The following PIAS4 variants were observed in gnomAD, a reference collection of about 807,000 sequenced individuals.
PIAS4 encodes the protein E3 SUMO-protein ligase PIAS4.
In PIAS4, 7 loss-of-function variants were observed where a neutral mutation model predicts 58.0. The ratio of observed to expected loss-of-function variants is 0.12; its 90% CI spans 0.07 to 0.23. The LOEUF (loss-of-function observed/expected upper bound fraction) is 0.23, where lower values mean the gene tolerates loss of function less well. Ranked by LOEUF, PIAS4 falls within the 10% of genes least tolerant of loss-of-function variation. PIAS4 has a pLI of 1.00. For missense variants in PIAS4, 550 were observed against 709.5 expected (o/e 0.78, Z 2.55); for synonymous variants, 364 against 312.4 (o/e 1.17, Z -1.74).
intron 1 of PIAS4, among the ~76,000 whole-genome samples, chr19:4,009,212 A>G (rs1296201664): frequency 6.6e-6 from 1 of 151,446 alleles, no homozygotes; most frequent in East Asian, 1.9e-4. Context: ...GTCCTCTCAC[A>G]TTACCCCCTG....
chr19:4,025,800 A>G (rs1269791156), intron 3 of PIAS4, among the ~76,000 whole-genome samples: 1 of 152,156 alleles, frequency 6.6e-6, no homozygotes, highest in Non-Finnish European at 1.5e-5. Flanking sequence ...TGGGCTGGGC[A>G]CGGTGGCTCA....
chr19:4,013,372 C>T lies in PIAS4; in HGVS notation c.454+23C>T, dbSNP rs2040018447. The T allele has an allele frequency of 1.3e-6, 2 of 1,592,826 alleles. No individual in the cohort carries two copies. Among genetic ancestry groups the T allele is most frequent in the Non-Finnish European group, 1.7e-6 (2 of 1,166,092 alleles). ...TAGGTGAGTGGTCACCCTGGGGAGG[C>T]TGCGACTGGAGGCTTCACCTAGGCC... On this transcript the variant is annotated intron_variant, in intron 2 of 10. Coordinates refer to ENST00000262971, the MANE Select transcript of PIAS4 (RefSeq NM_015897.4). The surrounding 1 kb of genome is among the most constrained non-coding windows in gnomAD (Gnocchi z 5.1).
At chr19:4,031,242 ACTGCCAGGGGC>A (rs2040220030) in intron 7 of PIAS4, among the ~76,000 whole-genome samples, 1 of 152,054 alleles carries the variant, frequency 6.6e-6, no homozygotes, top group South Asian at 2.1e-4. Flanking sequence ...CAGTGCTGGC[ACTGCCAGGGGC>A]CTGCGAGCCC....
Position 4,033,472 on chromosome 19 carries a change from T to C in PIAS4, c.1034T>C (p.Leu345Pro). The C allele has an allele frequency of 6.4e-7, 1 of 1,574,720 alleles. No homozygotes were observed. Among genetic ancestry groups the C allele is most frequent in the Non-Finnish European group, 8.6e-7 (1 of 1,161,036 alleles). Residue 345 changes from leucine (L) to proline (P), a missense_variant, in exon 9 of 11, where the codon CTG becomes CCG. Coordinates refer to ENST00000262971, the MANE Select transcript of PIAS4 (RefSeq NM_015897.4). ...TGCCGGGCAGAGACCTGTGCCCACC[T>C]GCAGTGCTTCGACGCCGTCTTCTAC... ...VPCRAETCAH[L>P]QCFDAVFYLQ...
Position 4,037,317 on chromosome 19 carries a change from G to A in PIAS4, c.1143-57G>A. The A allele has an allele frequency of 6.4e-7, 1 of 1,558,352 alleles. No individual in the cohort carries two copies. On this transcript the variant is annotated intron_variant, in intron 9 of 10. Transcript: ENST00000262971. This position sits in a 1 kb window ranked among gnomAD's most constrained non-coding sequence, Gnocchi z 5.8. The stretch of plus-strand genomic sequence containing the variant: ...GCATCCGGGAGGGATGGAGGGCTGG[G>A]GAGTTGGGGGGGTGGGGCACCTCCA...
At position 4,036,497 on chromosome 19, in the gene PIAS4, C is replaced by G. The variant is rs1568222364; in HGVS notation, c.1143-877C>G. Among the ~76,000 whole-genome samples, 2 of 141,980 alleles carry G rather than the reference C, an allele frequency of 1.4e-5. 1 individual carries two copies. The highest frequency in any genetic ancestry group is 5.4e-5 in the African/African-American group (2 of 37,144). 93.1% of individuals were successfully genotyped at this position (141,980 alleles called of 152,430 possible). On this transcript the variant is annotated intron_variant, in intron 9 of 10. Coordinates refer to ENST00000262971, the MANE Select transcript of PIAS4 (RefSeq NM_015897.4). ...CACACATCCATACAGTCCACACCGT[C>G]ATACAAACACACACACATCTATACA...
intron 1 of PIAS4, among the ~76,000 whole-genome samples, chr19:4,008,555 C>T (rs765511105): frequency 1.3e-5 from 2 of 152,128 alleles, no homozygotes; most frequent in Non-Finnish European, 2.9e-5. Context: ...GTTCGGACCA[C>T]TCTTCTTGGT....
intron 9 of PIAS4, among the ~76,000 whole-genome samples, chr19:4,033,914 A>T (rs1302532508): frequency 1.3e-5 from 2 of 152,136 alleles, no homozygotes; most frequent in Non-Finnish European, 2.9e-5. Context: ...TCGTGCTTTC[A>T]CACGGCGTTC....
chr19:4,028,629 G>A (rs914376871), intron 5 of PIAS4, 29 bp downstream of exon 5: 5 of 1,610,636 alleles, frequency 3.1e-6, no homozygotes, highest in Non-Finnish European at 3.4e-6. Flanking sequence ...CGCGTCGGCT[G>A]CACGGGTTTG....
chr19:4,022,708 T>C (rs1032557482), intron 2 of PIAS4, among the ~76,000 whole-genome samples: 1 of 151,608 alleles, frequency 6.6e-6, no homozygotes, highest in Non-Finnish European at 1.5e-5. Context: ...TTGGAAACAG[T>C]CTCACTCTGT....
chr19:4,022,465 C>T lies in PIAS4; in HGVS notation c.455-1571C>T, dbSNP rs564701342. Among the ~76,000 whole-genome samples, 29 of 152,146 alleles carry T rather than the reference C, an allele frequency of 1.9e-4. No homozygotes were observed. In the East Asian group the frequency reaches 2.1e-3, roughly 11 times the overall value. On this transcript the variant is annotated intron_variant, in intron 2 of 10. Transcript: ENST00000262971. ...CCCTGCAAGCTCCGCCTCCCAGGTT[C>T]GCGCCATTCTCCTGCCTCAGCCTCC...
At chr19:4,033,893 A>C (rs2040249839) in intron 9 of PIAS4, among the ~76,000 whole-genome samples, 1 of 151,920 alleles carries the variant, frequency 6.6e-6, no homozygotes, top group Non-Finnish European at 1.5e-5. Context: ...GCCACAAAAA[A>C]CTGAGCCAGG....
At chr19:4,027,566 T>G (rs989600951) in intron 3 of PIAS4, among the ~76,000 whole-genome samples, 2 of 149,516 alleles carry the variant, frequency 1.3e-5, no homozygotes, top group Non-Finnish European at 3.0e-5. Flanking sequence ...TTACTGGTTT[T>G]TGTTTTTTTT....
intron 3 of PIAS4, among the ~76,000 whole-genome samples, chr19:4,026,655 G>C (rs2040167774): frequency 6.6e-6 from 1 of 151,928 alleles, no homozygotes; most frequent in Non-Finnish European, 1.5e-5. Flanking sequence ...ACATTTCATA[G>C]AAGTGGAATC....
At position 4,007,738 on chromosome 19, in the gene PIAS4, C is replaced by A. The variant is rs1369235760; in HGVS notation, c.-23C>A. On this transcript the variant is annotated 5_prime_UTR_variant, in exon 1 of 11. Transcript: ENST00000262971. The stretch of plus-strand genomic sequence containing the variant: ...TGACGCGACGGCTGGGGGCTCCCGG[C>A]GCGGGGGACGCTGGTGACCAAGATG... 1 of 1,213,814 alleles carries A rather than the reference C, an allele frequency of 8.2e-7. No homozygotes were observed. The highest frequency in any genetic ancestry group is 1.0e-6 in the Non-Finnish European group (1 of 969,836). 75.2% of individuals were successfully genotyped at this position (1,213,814 alleles called of 1,614,324 possible). A position where few individuals can be genotyped will look rare whatever the true frequency, so the allele number is the denominator to read the frequency against.
intron 3 of PIAS4, 65 bp from the exon 4 acceptor site, chr19:4,028,081 G>A (rs944756876): frequency 9.3e-6 from 14 of 1,507,506 alleles, no homozygotes; most frequent in African/African-American, 2.8e-5. Flanking sequence ...TGTCGGGTGG[G>A]CTGGGGTCAC....
In PIAS4 at chr19:4,007,789, T is replaced by G. The variant is rs2144899201; in HGVS notation, c.27+2T>G. On this transcript the variant is annotated splice_donor_variant, in intron 1 of 10. Coordinates refer to ENST00000262971, the MANE Select transcript of PIAS4 (RefSeq NM_015897.4). LOFTEE classifies it high-confidence loss of function. ...GCGGCGGAGCTGGTGGAGGCCAAAG[T>G]GAGTGAGCGGTGGCGGCGCCGGCCG... 1 of 1,212,932 alleles carries G rather than the reference T, an allele frequency of 8.2e-7. No homozygotes were observed. Among genetic ancestry groups the G allele is most frequent in the Non-Finnish European group, 1.0e-6 (1 of 970,124 alleles). 75.1% of individuals were successfully genotyped at this position (1,212,932 alleles called of 1,614,324 possible).
intron 9 of PIAS4, among the ~76,000 whole-genome samples, chr19:4,035,875 A>G (rs2040271989): frequency 6.7e-6 from 1 of 149,832 alleles, no homozygotes; most frequent in East Asian, 2.0e-4. Context: ...ACCGTCTCAC[A>G]CACACACCCG....
At chr19:4,011,082 C>T (rs534415562) in intron 1 of PIAS4, among the ~76,000 whole-genome samples, 1 of 152,332 alleles carries the variant, frequency 6.6e-6, no homozygotes, top group South Asian at 2.1e-4. Context: ...CAGCCAGGAG[C>T]CGGAAACCTC....
Sources: gnomAD v4.1 joint callset for allele counts (sites outside exome capture counted in the v4.1 genomes callset) on GRCh38, gnomAD v4.1.1 for gene constraint, Gnocchi (gnomAD v3.1) non-coding constraint, MANE v1.5 for transcripts, NCBI Gene and HGNC (gene_info 2026-07-23, HGNC 2026-07-21) for gene names.